The following CRTC3 variants were observed in gnomAD, a reference collection of about 807,000 sequenced individuals.
The protein encoded by CRTC3 is CREB regulated transcription coactivator 3.
Under a neutral mutation model 74.5 loss-of-function variants are expected in CRTC3, and 26 were observed. The observed-to-expected ratio is 0.35, with a 90% CI of 0.26 to 0.48. CRTC3 has a LOEUF of 0.48. Among genes scored for constraint, CRTC3 ranks in the 20% least tolerant of loss-of-function variants. The pLI is 0.99. For missense variants in CRTC3, 760 were observed against 787.3 expected, an observed-to-expected ratio of 0.97 and a Z score of 0.41; for synonymous variants, 377 against 325.8, an observed-to-expected ratio of 1.16 and a Z score of -1.69.
chr15:90,574,472 G>A (rs929263549), intron 2 of CRTC3, among the ~76,000 whole-genome samples: 1 of 150,918 alleles, frequency 6.6e-6, no homozygotes, highest in Non-Finnish European at 1.5e-5. Flanking sequence ...GCGAGACTCT[G>A]TCTCAAAACA....
chr15:90,542,379 A>C (rs1966817361), intron 2 of CRTC3, among the ~76,000 whole-genome samples: 1 of 151,152 alleles, frequency 6.6e-6, no homozygotes, highest in Non-Finnish European at 1.5e-5. Context: ...GTGTCTCACC[A>C]TGTTGGCCAG....
chr15:90,609,983 G>T (rs1339592183), intron 6 of CRTC3, among the ~76,000 whole-genome samples: 1 of 152,212 alleles, frequency 6.6e-6, no homozygotes, highest in African/African-American at 2.4e-5. Flanking sequence ...TGCTCCTGCA[G>T]TTGCCTTGCA....
At chr15:90,589,374 C>T (rs141242099) in intron 2 of CRTC3, among the ~76,000 whole-genome samples, 10 of 152,126 alleles carry the variant, frequency 6.6e-5, no homozygotes, top group African/African-American at 2.2e-4. Flanking sequence ...TTTTAAGAGA[C>T]AGGGTCTTGT....
intron 13 of CRTC3, among the ~76,000 whole-genome samples, chr15:90,640,519 C>A (rs1357938883): frequency 6.6e-6 from 1 of 151,958 alleles, no homozygotes; most frequent in Admixed American, 6.6e-5. Flanking sequence ...AAGACCCTGT[C>A]TCTAAAAAAA....
In CRTC3 at chr15:90,643,523, G is replaced by T. The variant is rs79202745; in HGVS notation, c.*1383G>T. 1 of 228,638 alleles carries T rather than the reference G, an allele frequency of 4.4e-6. No individual in the cohort carries two copies. The highest frequency in any genetic ancestry group is 2.2e-5 in the African/African-American group (1 of 45,010). The allele number at this position is 228,638 out of a possible 1,614,324, so 14.2% of individuals were successfully genotyped here. A position where few individuals can be genotyped will look rare whatever the true frequency, so the allele number is the denominator to read the frequency against. On this transcript the variant is annotated 3_prime_UTR_variant, in exon 15 of 15. Coordinates refer to ENST00000268184, the MANE Select transcript of CRTC3 (RefSeq NM_022769.5). ...GGAAGATCTTCCTTCTCAGATCCAC[G>T]TTTGGCTCTAAATTGCTTCAAGTAG...
At chr15:90,573,997 A>G (rs559403649) in intron 2 of CRTC3, among the ~76,000 whole-genome samples, 11 of 152,344 alleles carry the variant, frequency 7.2e-5, no homozygotes, top group South Asian at 2.1e-4. Flanking sequence ...CCTTGCTTGA[A>G]TGAAGTTAAG....
At chr15:90,552,215 C>T (rs1472898642) in intron 2 of CRTC3, among the ~76,000 whole-genome samples, 1 of 152,170 alleles carries the variant, frequency 6.6e-6, no homozygotes, top group Non-Finnish European at 1.5e-5. Flanking sequence ...AGTTAGTCCT[C>T]GTTTAACACC....
At chr15:90,628,148 C>T (rs1011970183) in intron 10 of CRTC3, among the ~76,000 whole-genome samples, 4 of 151,364 alleles carry the variant, frequency 2.6e-5, no homozygotes, top group East Asian at 2.0e-4. Context: ...ACCCGGGAGA[C>T]GGAGCTTGCA....
chr15:90,580,308 C>G (rs1159545226), intron 2 of CRTC3, among the ~76,000 whole-genome samples: 1 of 152,152 alleles, frequency 6.6e-6, no homozygotes, highest in Non-Finnish European at 1.5e-5. Context: ...TCCTCAGTAA[C>G]TCCTAAGGCT....
Position 90,640,944 on chromosome 15 carries a change from T to C in CRTC3, c.1549-153T>C. Reference sequence around the variant, plus strand: ...GCCTGACAAGAATATTGTGCATGCATTACCATAAGAGCAAAGCACTCTGGG... The same window carrying C: ...GCCTGACAAGAATATTGTGCATGCACTACCATAAGAGCAAAGCACTCTGGG... On this transcript the variant is annotated intron_variant, in intron 13 of 14. Transcript: ENST00000268184. The C allele has an allele frequency of 4.8e-6, 3 of 627,748 alleles. No individual in the cohort carries two copies. The South Asian group carries it at 5.4e-5, about 11-fold the overall frequency. 38.9% of individuals were successfully genotyped at this position (627,748 alleles called of 1,614,324 possible). A position where few individuals can be genotyped will look rare whatever the true frequency, so the allele number is the denominator to read the frequency against.
intron 9 of CRTC3, 51 bp downstream of exon 9, chr15:90,619,841 T>C: frequency 6.8e-7 from 1 of 1,474,022 alleles, no homozygotes. Context: ...TGAAGGTTTT[T>C]CCCAAAAGTC....
At chr15:90,536,784 T>C (rs1385333333) in intron 1 of CRTC3, among the ~76,000 whole-genome samples, 2 of 152,232 alleles carry the variant, frequency 1.3e-5, no homozygotes, top group Non-Finnish European at 2.9e-5. Flanking sequence ...TCATGGCAGC[T>C]GATCCTGGGC....
chr15:90,537,619 C>T (rs377746422), intron 1 of CRTC3, among the ~76,000 whole-genome samples: 18 of 152,146 alleles, frequency 1.2e-4, no homozygotes, highest in East Asian at 1.9e-4. Context: ...CTCCTGACCT[C>T]GTGATCCGCC....
chr15:90,563,961 C>CA (rs1163692282), intron 2 of CRTC3, among the ~76,000 whole-genome samples: 4 of 152,088 alleles, frequency 2.6e-5, no homozygotes, highest in African/African-American at 9.7e-5. Context: ...CCACTGCTGG[C>CA]AAAAATGTAC....
intron 2 of CRTC3, among the ~76,000 whole-genome samples, chr15:90,550,325 G>T (rs1280725063): frequency 6.6e-6 from 1 of 151,474 alleles, no homozygotes; most frequent in African/African-American, 2.4e-5. Context: ...TACTTGGGAG[G>T]CTTGAACCCG....
intron 11 of CRTC3, chr15:90,638,015 CTGT>C (rs1009365352): frequency 9.1e-5 from 15 of 165,432 alleles, no homozygotes; most frequent in African/African-American, 3.4e-4. Flanking sequence ...GTGTTCTGTG[CTGT>C]TGTTTAGTGT....
At chr15:90,552,128 C>A (rs1175696377) in intron 2 of CRTC3, among the ~76,000 whole-genome samples, 1 of 152,206 alleles carries the variant, frequency 6.6e-6, no homozygotes, top group African/African-American at 2.4e-5. Flanking sequence ...CGAGCGCCTG[C>A]TGTGGCAGCA....
At chr15:90,539,079 CAG>C (rs1308012157) in intron 1 of CRTC3, among the ~76,000 whole-genome samples, 2 of 152,098 alleles carry the variant, frequency 1.3e-5, no homozygotes, top group African/African-American at 2.4e-5. Context: ...TTGTTAGAGA[CAG>C]AGAGTGATGA....
At chr15:90,554,478 C>T (rs565242944) in intron 2 of CRTC3, among the ~76,000 whole-genome samples, 4 of 152,210 alleles carry the variant, frequency 2.6e-5, no homozygotes, top group Non-Finnish European at 5.9e-5. Flanking sequence ...GCTGGGATTA[C>T]AGGCATGAGC....
Sources: gnomAD v4.1 joint callset for allele counts (sites outside exome capture counted in the v4.1 genomes callset) on GRCh38, gnomAD v4.1.1 for gene constraint, MANE v1.5 for transcripts, NCBI Gene and HGNC (gene_info 2026-07-23, HGNC 2026-07-21) for gene names.